TCF25: variants seen among roughly 807,000 people sequenced by gnomAD.
The protein encoded by TCF25 is TCF25 ribosome quality control complex subunit.
Under a neutral mutation model 83.1 loss-of-function variants are expected in TCF25, and 41 were observed. That is an observed-to-expected ratio of 0.49 (90% CI 0.38 to 0.64). The LOEUF (loss-of-function observed/expected upper bound fraction) is 0.64. Among genes scored for constraint, TCF25 ranks in the 30% least tolerant of loss-of-function variants. TCF25 has a pLI of 0.00. For synonymous variants in TCF25, 458 were observed against 365.0 expected, an observed-to-expected ratio of 1.25 and a Z score of -2.90; for missense variants, 979 against 914.5, an observed-to-expected ratio of 1.07 and a Z score of -0.91.
intron 16 of TCF25, among the ~76,000 whole-genome samples, chr16:89,908,666 C>T (rs200672037): frequency 2.2e-5 from 3 of 138,636 alleles, no homozygotes; most frequent in Non-Finnish European, 3.2e-5. Context: ...TCCCAGCTCC[C>T]ACCTCCCTCC....
At chr16:89,910,891 CTG>C (rs2045500244) in intron 17 of TCF25, among the ~76,000 whole-genome samples, 187 bp from the exon 18 acceptor site, 1 of 152,378 alleles carries the variant, frequency 6.6e-6, no homozygotes, top group South Asian at 2.1e-4. Flanking sequence ...TGATCCCACT[CTG>C]TGCCTGGCTT....
chr16:89,890,998 TCTCA>T, intron 5 of TCF25, among the ~76,000 whole-genome samples: 1 of 152,172 alleles, frequency 6.6e-6, no homozygotes, highest in Admixed American at 6.5e-5. Flanking sequence ...CTGGTGGTTC[TCTCA>T]GAAGCTCAGA....
rs2044286539 is a variant in TCF25, at chr16:89,901,097, T to G, written c.1381+303T>G. The G allele has an allele frequency of 1.5e-5, 4 of 268,120 alleles. 1 individual carries two copies. The South Asian group carries it at 4.0e-4, about 27-fold the overall frequency. 16.6% of individuals were successfully genotyped at this position (268,120 alleles called of 1,614,324 possible). A position where few individuals can be genotyped will look rare whatever the true frequency, so the allele number is the denominator to read the frequency against. ...GCGGGGCATTGGATTGTACCAGTGC[T>G]GGGGAGGAGAGCAAAGCAGGGGAAG... On this transcript the variant is annotated intron_variant, in intron 12 of 17. Coordinates refer to ENST00000263346, the MANE Select transcript of TCF25 (RefSeq NM_014972.3).
At chr16:89,896,209 T>A (rs2043836554) in intron 9 of TCF25, 126 bp downstream of exon 9, 1 of 738,092 alleles carries the variant, frequency 1.4e-6, no homozygotes, top group African/African-American at 1.8e-5. Context: ...AGGTCCAGAG[T>A]GACCCACCTT....
At position 89,911,343 on chromosome 16, in the gene TCF25, C is replaced by T. The variant is rs538657617; in HGVS notation, c.*105C>T. On this transcript the variant is annotated 3_prime_UTR_variant, in exon 18 of 18. Coordinates refer to ENST00000263346, the MANE Select transcript of TCF25 (RefSeq NM_014972.3). The stretch of plus-strand genomic sequence containing the variant: ...GTAGGGAAGCTGAGTGTGTCGCTCC[C>T]TGGTCCACTGTTTCTCCTATAAATG... 7.0e-7 allele frequency: 1 copy of T among 1,429,942 alleles called. No individual in the cohort carries two copies. The highest frequency in any genetic ancestry group is 1.4e-5 in the African/African-American group (1 of 71,772). The allele number at this position is 1,429,942 out of a possible 1,614,324, so 88.6% of individuals were successfully genotyped here.
chr16:89,906,297 G>A lies in TCF25; in HGVS notation c.1719+13G>A, dbSNP rs752455813. 59 of 1,611,434 alleles carry A rather than the reference G, an allele frequency of 3.7e-5. No individual in the cohort carries two copies. Among genetic ancestry groups the A allele is most frequent in the Non-Finnish European group, 4.7e-5 (55 of 1,179,230 alleles). On this transcript the variant is annotated intron_variant, in intron 15 of 17. Transcript: ENST00000263346. ...TGCCCTGCCCCCGGTAAGGGAGAAA[G>A]GCTGAAATGGGAGCTCTGTGTAAGC...
At chr16:89,895,192 C>A in intron 8 of TCF25, 55 bp downstream of exon 8, 2 of 1,513,052 alleles carry the variant, frequency 1.3e-6, no homozygotes, top group South Asian at 1.2e-5. Context: ...CTCAAGCTAT[C>A]AAGACAGATG....
intron 4 of TCF25, among the ~76,000 whole-genome samples, chr16:89,886,441 T>A (rs972501685): frequency 3.8e-5 from 5 of 130,556 alleles, no homozygotes; most frequent in East Asian, 4.8e-4. Context: ...AAAATAATAA[T>A]AATAATAATA....
chr16:89,886,011 C>CCCTTCTCTGCGGCTGT (rs2042983105), intron 4 of TCF25, 45 bp downstream of exon 4: 1 of 1,538,178 alleles, frequency 6.5e-7, no homozygotes, highest in Non-Finnish European at 9.0e-7. Flanking sequence ...TCTGCGGCTG[C>CCCTTCTCTGCGGCTGT]CCTTCTCTGC....
In TCF25 at chr16:89,899,990, A is replaced by T. The variant is rs539734920; in HGVS notation, c.1222-645A>T. Among the ~76,000 whole-genome samples, 24 of 152,318 alleles carry T rather than the reference A, an allele frequency of 1.6e-4. No individual in the cohort carries two copies. The South Asian group carries it at 4.3e-3, about 28-fold the overall frequency. On this transcript the variant is annotated intron_variant, in intron 11 of 17. Transcript: ENST00000263346. ...TTGGCCAGGAAGTCTCACCCCCAGG[A>T]ATGTGGTTTATAGAAATTCCTGGAG...
At chr16:89,879,028 A>G (rs1241971803) in intron 1 of TCF25, among the ~76,000 whole-genome samples, 2 of 152,244 alleles carry the variant, frequency 1.3e-5, no homozygotes, top group African/African-American at 4.8e-5. Context: ...TGTCATCACC[A>G]AAACTTCACT....
intron 11 of TCF25, among the ~76,000 whole-genome samples, chr16:89,900,120 A>G (rs1157005954): frequency 6.6e-6 from 1 of 152,186 alleles, no homozygotes; most frequent in Non-Finnish European, 1.5e-5. Flanking sequence ...TGAGTCTGTG[A>G]TCCCATTTTG....
intron 5 of TCF25, among the ~76,000 whole-genome samples, chr16:89,891,734 CTTTTCG>C (rs1277056188): frequency 6.6e-6 from 1 of 152,190 alleles, no homozygotes; most frequent in Non-Finnish European, 1.5e-5. Flanking sequence ...TGTTCTCTTT[CTTTTCG>C]TTTTCTTTTT....
chr16:89,911,051 C>G (rs761696466), intron 17 of TCF25, 29 bp from the exon 18 acceptor site: 3 of 1,608,432 alleles, frequency 1.9e-6, no homozygotes, highest in East Asian at 4.5e-5. Context: ...ACAGACAGCC[C>G]CCTTCTCAGA....
At chr16:89,882,040 G>A (rs1418404720) in intron 1 of TCF25, among the ~76,000 whole-genome samples, 1 of 152,050 alleles carries the variant, frequency 6.6e-6, no homozygotes, top group Non-Finnish European at 1.5e-5. Flanking sequence ...GGGGTGCACC[G>A]CCACCGTGCC....
intron 9 of TCF25, 125 bp from the exon 10 acceptor site, chr16:89,898,432 G>C: frequency 2.3e-6 from 2 of 874,016 alleles, no homozygotes; most frequent in Non-Finnish European, 3.7e-6. Flanking sequence ...GTGTGGGGTG[G>C]AATGGGTGGT....
At position 89,873,870 on chromosome 16, in the gene TCF25, C is replaced by A; in HGVS notation, c.192+11C>A. The A allele has an allele frequency of 1.2e-6, 1 of 824,374 alleles. No individual in the cohort carries two copies. The highest frequency in any genetic ancestry group is 1.7e-6 in the Non-Finnish European group (1 of 593,858). The allele number at this position is 824,374 out of a possible 1,614,324, so 51.1% of individuals were successfully genotyped here. A position where few individuals can be genotyped will look rare whatever the true frequency, so the allele number is the denominator to read the frequency against. ...AACCGCTTCGAGCTGGTGAGGAGCG[C>A]GGCGGCCCGGGTGGGGGTGGGGTGG... On this transcript the variant is annotated intron_variant, in intron 1 of 17. Coordinates refer to ENST00000263346, the MANE Select transcript of TCF25 (RefSeq NM_014972.3).
chr16:89,910,546 GTC>G, intron 16 of TCF25, 43 bp from the exon 17 acceptor site: 1 of 1,605,450 alleles, frequency 6.2e-7, no homozygotes, highest in Non-Finnish European at 8.5e-7. Context: ...GGTCCCACGA[GTC>G]TCAGTTCAGT....
At chr16:89,908,249 CTCCCACCTCCCAGCTCCCTCT>C (rs2045138835) in intron 16 of TCF25, among the ~76,000 whole-genome samples, 1 of 112,616 alleles carries the variant, frequency 8.9e-6, no homozygotes, top group Non-Finnish European at 1.8e-5. Context: ...CACCTCCCAG[CTCCCACCTCCCAGCTCCCTCT>C]TCCCTCCTCC....
Sources: allele counts gnomAD v4.1 joint callset (sites outside exome capture counted in the v4.1 genomes callset), GRCh38; gene constraint gnomAD v4.1.1; transcripts MANE v1.5; gene names NCBI Gene and HGNC (gene_info 2026-07-23, HGNC 2026-07-21).